Variants in HDX observed in about 807,000 individuals in gnomAD.
HDX encodes chromosome X open reading frame 43.
In HDX, 19 loss-of-function variants were observed where a neutral mutation model predicts 45.2. The observed-to-expected ratio is 0.42, with a 90% CI of 0.29 to 0.62. The LOEUF is 0.62. Among genes scored for constraint, HDX ranks in the 20% least tolerant of loss-of-function variants. HDX has a pLI of 0.20. For missense variants in HDX, 532 were observed against 493.9 expected (o/e 1.08, Z -0.73); for synonymous variants, 188 against 172.8 (o/e 1.09, Z -0.69).
chrX:84,358,087 T>A (rs1386327270), intron 6 of HDX, among the ~76,000 whole-genome samples: 1 of 112,286 alleles, frequency 8.9e-6, no homozygotes, highest in African/African-American at 3.2e-5. Flanking sequence ...GTAAATTGCA[T>A]ATACATGGAC....
At chrX:84,480,471 C>T (rs1214224257) in intron 2 of HDX, among the ~76,000 whole-genome samples, 1 of 111,368 alleles carries the variant, frequency 9.0e-6, no homozygotes, top group African/African-American at 3.3e-5. Context: ...GTATGATGTT[C>T]GCTACAGGTT....
intron 4 of HDX, among the ~76,000 whole-genome samples, chrX:84,460,695 G>A (rs745567293): frequency 9.0e-6 from 1 of 111,665 alleles, no homozygotes; most frequent in African/African-American, 3.2e-5. Flanking sequence ...GGAAGTACTA[G>A]CTAGAGCAAT....
intron 5 of HDX, among the ~76,000 whole-genome samples, chrX:84,362,937 A>C (rs941638831): frequency 8.9e-6 from 1 of 111,751 alleles, no homozygotes; most frequent in Non-Finnish European, 1.9e-5. Flanking sequence ...AAATTCAGCC[A>C]CCGAAAGGAA....
chrX:84,479,300 A>G (rs2040623146), intron 2 of HDX, among the ~76,000 whole-genome samples: 2 of 111,745 alleles, frequency 1.8e-5, no homozygotes, highest in Non-Finnish European at 3.8e-5. Flanking sequence ...CTGCCCTATA[A>G]ATGGAATCAA....
chrX:84,487,815 G>A (rs2040825136), intron 2 of HDX, among the ~76,000 whole-genome samples: 1 of 112,296 alleles, frequency 8.9e-6, no homozygotes, highest in African/African-American at 3.2e-5. Context: ...TGTCACTGCA[G>A]CATAGCTCTG....
intron 4 of HDX, among the ~76,000 whole-genome samples, chrX:84,463,398 A>T (rs2040280576): frequency 9.0e-6 from 1 of 111,335 alleles, no homozygotes; most frequent in African/African-American, 3.3e-5. Flanking sequence ...TTTCTTTTTA[A>T]CAAAAGCACT....
chrX:84,476,822 C>T (rs181147223), intron 2 of HDX, among the ~76,000 whole-genome samples: 43 of 111,680 alleles, frequency 3.9e-4, no homozygotes, highest in African/African-American at 1.4e-3. Context: ...TCCGCACAAG[C>T]ATCTATCTCA....
intron 1 of HDX, among the ~76,000 whole-genome samples, chrX:84,489,043 G>T (rs1342125794): frequency 9.0e-6 from 1 of 111,203 alleles, no homozygotes; most frequent in African/African-American, 3.3e-5. Flanking sequence ...TCTGGTAAAA[G>T]ACCAGAATTT....
intron 1 of HDX, among the ~76,000 whole-genome samples, chrX:84,495,921 G>A (rs146859394): frequency 0.022 from 2,424 of 111,575 alleles, 40 homozygotes; most frequent in Non-Finnish European, 0.031. Flanking sequence ...TTGTTCTAGG[G>A]CAATAATTTT....
chrX:84,434,711 C>T (rs1453564725), intron 5 of HDX, among the ~76,000 whole-genome samples: 2 of 111,508 alleles, frequency 1.8e-5, no homozygotes, highest in East Asian at 2.8e-4. Flanking sequence ...GTTATCTCCA[C>T]TTCGATGTTT....
chrX:84,496,338 T>C (rs1208524238), intron 1 of HDX, among the ~76,000 whole-genome samples: 2 of 111,619 alleles, frequency 1.8e-5, no homozygotes, highest in African/African-American at 6.5e-5. Flanking sequence ...GGAAGTAAGA[T>C]TTCACTTTAC....
intron 5 of HDX, among the ~76,000 whole-genome samples, chrX:84,428,456 C>A (rs952230037): frequency 1.6e-4 from 18 of 111,014 alleles, no homozygotes; most frequent in African/African-American, 5.2e-4. Context: ...AAACTCTCGT[C>A]TACTTTCTGT....
At chrX:84,416,011 G>A (rs1396924155) in intron 5 of HDX, among the ~76,000 whole-genome samples, 1 of 112,073 alleles carries the variant, frequency 8.9e-6, no homozygotes, top group Admixed American at 9.5e-5. Context: ...GACATAAACA[G>A]TCTCACAGAT....
intron 5 of HDX, among the ~76,000 whole-genome samples, chrX:84,418,273 A>T (rs961717054): frequency 1.8e-5 from 2 of 112,451 alleles, no homozygotes; most frequent in Non-Finnish European, 3.8e-5. Flanking sequence ...AAAATCTATG[A>T]ATTGCTTAAC....
rs61351893 is a variant in HDX at position 84,493,044 on chromosome X, T to A, written c.-109-4912A>T. Among the ~76,000 whole-genome samples, 5 of 110,817 alleles carry A rather than the reference T, an allele frequency of 4.5e-5. No homozygotes were observed. The East Asian group carries it at 1.4e-3, about 31-fold the overall frequency. ...TCTCCTGCCTCAGCCTCCGAGTAGC[T>A]AAGATTACAGGCACTGGCCACCATG... On this transcript the variant is annotated intron_variant, in intron 1 of 10. Coordinates refer to ENST00000373177, the MANE Select transcript of HDX (RefSeq NM_001177479.2).
At chrX:84,399,232 G>A (rs1351933988) in intron 5 of HDX, among the ~76,000 whole-genome samples, 1 of 108,917 alleles carries the variant, frequency 9.2e-6, no homozygotes, top group Non-Finnish European at 1.9e-5. Context: ...CACAACTGAA[G>A]GAGATAGAGA....
intron 2 of HDX, among the ~76,000 whole-genome samples, chrX:84,479,657 G>A (rs2040633152): frequency 9.0e-6 from 1 of 111,440 alleles, no homozygotes; most frequent in African/African-American, 3.3e-5. Context: ...GTACAAATTC[G>A]CATTCTCGAA....
At chrX:84,498,379 A>G (rs901146615) in intron 1 of HDX, among the ~76,000 whole-genome samples, 3 of 111,615 alleles carry the variant, frequency 2.7e-5, no homozygotes, top group African/African-American at 9.8e-5. Context: ...GATATCAGTG[A>G]TAGCTTCTGA....
intron 5 of HDX, among the ~76,000 whole-genome samples, chrX:84,370,714 C>T (rs1057355838): frequency 1.8e-5 from 2 of 112,292 alleles, no homozygotes; most frequent in Non-Finnish European, 3.8e-5. Flanking sequence ...AATCACAATG[C>T]TCTGCTAGGG....
Sources: gnomAD v4.1 joint callset for allele counts (sites outside exome capture counted in the v4.1 genomes callset) on GRCh38, gnomAD v4.1.1 for gene constraint, MANE v1.5 for transcripts, NCBI Gene and HGNC (gene_info 2026-07-23, HGNC 2026-07-21) for gene names.